IL19: variants seen among roughly 807,000 people sequenced by gnomAD.
IL19 encodes interleukin-19.
Under a neutral mutation model 19.5 loss-of-function variants are expected in IL19, and 15 were observed. That is an observed-to-expected ratio of 0.77 (90% CI 0.52 to 1.19). IL19 has a LOEUF of 1.19. Among genes scored for constraint, IL19 ranks in the 50% most tolerant of loss-of-function variants. The pLI, the probability that IL19 is intolerant of heterozygous loss-of-function variation, is 0.00. For missense variants in IL19, 199 were observed against 213.1 expected (o/e 0.93, Z 0.41); for synonymous variants, 78 against 78.3 (o/e 1.00, Z 0.02).
intron 1 of IL19, among the ~76,000 whole-genome samples, chr1:206,788,302 T>C (rs1186222894): frequency 1.3e-5 from 2 of 152,222 alleles, no homozygotes; most frequent in Non-Finnish European, 2.9e-5. Context: ...AATGGCAAAC[T>C]ACTACCTGTC....
intron 1 of IL19, among the ~76,000 whole-genome samples, chr1:206,781,824 G>A (rs1375128121): frequency 3.4e-5 from 5 of 146,992 alleles, no homozygotes; most frequent in Non-Finnish European, 7.4e-5. Context: ...GACCCCCAAA[G>A]AGCTTTCACT....
chr1:206,834,891 G>A (rs925693001), intron 2 of IL19, among the ~76,000 whole-genome samples: 5 of 152,134 alleles, frequency 3.3e-5, no homozygotes, highest in African/African-American at 4.8e-5. Flanking sequence ...GGACTGGCCC[G>A]CCTTCTCTCA....
intron 2 of IL19, chr1:206,834,430 C>T (rs947108199): frequency 7.8e-5 from 77 of 985,458 alleles, no homozygotes; most frequent in Non-Finnish European, 8.7e-5. Flanking sequence ...TCATCAGGGG[C>T]TCCTATGCAC....
intron 2 of IL19, among the ~76,000 whole-genome samples, chr1:206,809,650 A>G (rs1324383887): frequency 6.6e-6 from 1 of 152,218 alleles, no homozygotes. Flanking sequence ...AGTAGCATGT[A>G]AAGTATAAGG....
intron 2 of IL19, among the ~76,000 whole-genome samples, chr1:206,829,678 A>C (rs1338104585): frequency 6.6e-6 from 1 of 152,164 alleles, no homozygotes; most frequent in Non-Finnish European, 1.5e-5. Context: ...CATTTTAAAA[A>C]GTCCACCTAC....
intron 2 of IL19, among the ~76,000 whole-genome samples, chr1:206,804,717 C>A (rs1675799879): frequency 6.6e-6 from 1 of 152,212 alleles, no homozygotes; most frequent in African/African-American, 2.4e-5. Flanking sequence ...AAACTCACCT[C>A]AGCCTGTTTC....
At chr1:206,812,859 A>T (rs978329466) in intron 2 of IL19, among the ~76,000 whole-genome samples, 2 of 152,128 alleles carry the variant, frequency 1.3e-5, no homozygotes, top group Non-Finnish European at 2.9e-5. Context: ...CATTTTATAC[A>T]GGTTTTGTTG....
intron 2 of IL19, among the ~76,000 whole-genome samples, chr1:206,815,536 T>C (rs186562960): frequency 2.6e-5 from 4 of 152,306 alleles, no homozygotes; most frequent in Admixed American, 2.6e-4. Context: ...AAATCCTGAG[T>C]TAAAAATATT....
At chr1:206,781,917 ATAGTTATATAT>A (rs1675146735) in intron 1 of IL19, among the ~76,000 whole-genome samples, 5 of 113,790 alleles carry the variant, frequency 4.4e-5, no homozygotes, top group South Asian at 5.0e-4. Context: ...ATATATGTAT[ATAGTTATATAT>A]ACATATATAT....
At chr1:206,785,170 G>T (rs980419417) in intron 1 of IL19, among the ~76,000 whole-genome samples, 3 of 152,210 alleles carry the variant, frequency 2.0e-5, no homozygotes, top group Non-Finnish European at 4.4e-5. Context: ...CTCGGGTCAT[G>T]CAGGCTCTGG....
intron 2 of IL19, among the ~76,000 whole-genome samples, chr1:206,830,192 C>T (rs1199140930): frequency 6.6e-6 from 1 of 152,164 alleles, no homozygotes; most frequent in East Asian, 1.9e-4. Context: ...TGTGCCACTT[C>T]CTTGCGGTGC....
intron 2 of IL19, among the ~76,000 whole-genome samples, chr1:206,810,962 T>C (rs1675992336): frequency 6.6e-6 from 1 of 152,214 alleles, no homozygotes; most frequent in Non-Finnish European, 1.5e-5. Context: ...TCCACCATGA[T>C]TGGATTCTTC....
chr1:206,834,280 A>T, intron 2 of IL19: 1 of 985,606 alleles, frequency 1.0e-6, no homozygotes, highest in Non-Finnish European at 1.2e-6. Flanking sequence ...AGGTGGATCC[A>T]CCCAGCAAAC....
At chr1:206,840,912 G>A (rs925536565) in intron 5 of IL19, 92 bp from the exon 6 acceptor site, 1 of 1,018,304 alleles carries the variant, frequency 9.8e-7, no homozygotes, top group Admixed American at 1.8e-5. Flanking sequence ...TGGGAGGGAG[G>A]AGAAATGTCA....
At chr1:206,781,898 TATATA>T (rs1558606302) in intron 1 of IL19, among the ~76,000 whole-genome samples, 7 of 126,818 alleles carry the variant, frequency 5.5e-5, no homozygotes, top group African/African-American at 2.0e-4. Flanking sequence ...TATATAGTTA[TATATA>T]CATATATATG....
At chr1:206,814,431 C>T (rs911639488) in intron 2 of IL19, among the ~76,000 whole-genome samples, 3 of 149,964 alleles carry the variant, frequency 2.0e-5, no homozygotes, top group Non-Finnish European at 3.0e-5. Flanking sequence ...TGGCTCACAC[C>T]TGTAATCCCA....
chr1:206,827,190 TA>T (rs1002325733), intron 2 of IL19, among the ~76,000 whole-genome samples: 85 of 151,946 alleles, frequency 5.6e-4, no homozygotes, highest in African/African-American at 1.8e-3. Flanking sequence ...AAAATAACAG[TA>T]AAAAAAAGTA....
chr1:206,830,223 C>T (rs1241214481), intron 2 of IL19, among the ~76,000 whole-genome samples: 1 of 152,124 alleles, frequency 6.6e-6, no homozygotes, highest in South Asian at 2.1e-4. Context: ...TGGTTCACTT[C>T]TCTATTTCTT....
At chr1:206,796,943 T>C (rs1311999740) in intron 1 of IL19, among the ~76,000 whole-genome samples, 1 of 152,218 alleles carries the variant, frequency 6.6e-6, no homozygotes, top group African/African-American at 2.4e-5. Flanking sequence ...AGCCCAGGAC[T>C]ACAGACTCAG....
Sources: allele counts gnomAD v4.1 joint callset (sites outside exome capture counted in the v4.1 genomes callset), GRCh38; gene constraint gnomAD v4.1.1; transcripts MANE v1.5; gene names NCBI Gene and HGNC (gene_info 2026-07-23, HGNC 2026-07-21).